Variants in AGTPBP1 observed in about 807,000 individuals in gnomAD.
AGTPBP1 encodes cytosolic carboxypeptidase 1.
Under a neutral mutation model 143.9 loss-of-function variants are expected in AGTPBP1, and 70 were observed. That is an observed-to-expected ratio of 0.49 (90% CI 0.40 to 0.59). The LOEUF is 0.59. Among genes scored for constraint, AGTPBP1 ranks in the 20% least tolerant of loss-of-function variants. The pLI, the probability that AGTPBP1 is intolerant of heterozygous loss-of-function variation, is 0.00. For synonymous variants in AGTPBP1, 463 were observed against 500.2 expected (o/e 0.93, Z 0.99); for missense variants, 1,229 against 1,464.5 (o/e 0.84, Z 2.62).
chr9:85,755,547 T>A, the AGTPBP1 span, among the ~76,000 whole-genome samples: 1 of 152,194 alleles, frequency 6.6e-6, no homozygotes, highest in Non-Finnish European at 1.5e-5. Context: ...TATTCATTTA[T>A]TCACTTCATT....
intron 2 of AGTPBP1, among the ~76,000 whole-genome samples, chr9:85,711,443 T>TTA (rs1837360927): frequency 6.8e-6 from 1 of 146,642 alleles, no homozygotes; most frequent in Non-Finnish European, 1.5e-5. Flanking sequence ...TTTTCTTTCT[T>TTA]TTTTTTTTTT....
chr9:85,596,219 G>A, intron 18 of AGTPBP1, 143 bp downstream of exon 18: 1 of 571,742 alleles, frequency 1.7e-6, no homozygotes, highest in African/African-American at 1.9e-5. Context: ...AGTTCAAAAG[G>A]ACTCTTTAGA....
At chr9:85,787,601 T>C in the AGTPBP1 span, among the ~76,000 whole-genome samples, 1 of 152,246 alleles carries the variant, frequency 6.6e-6, no homozygotes, top group Admixed American at 6.5e-5. Context: ...CAATTTAGTT[T>C]GGAATTAAGA....
At chr9:85,731,572 G>A (rs1373468623) in intron 1 of AGTPBP1, among the ~76,000 whole-genome samples, 2 of 151,922 alleles carry the variant, frequency 1.3e-5, no homozygotes, top group African/African-American at 4.8e-5. Context: ...TAATCCTTCT[G>A]CCTCAGCTGG....
intron 14 of AGTPBP1, among the ~76,000 whole-genome samples, chr9:85,625,012 A>G (rs915075058): frequency 3.3e-5 from 5 of 152,234 alleles, no homozygotes; most frequent in Admixed American, 6.5e-5. Context: ...AGGTTACACC[A>G]TAATTTAACT....
chr9:85,636,119 G>T (rs1832025412), intron 13 of AGTPBP1, among the ~76,000 whole-genome samples: 1 of 151,324 alleles, frequency 6.6e-6, no homozygotes, highest in Non-Finnish European at 1.5e-5. Flanking sequence ...CAAGGTAGAA[G>T]GAAAAAGAAC....
chr9:85,615,883 A>G (rs778811594), intron 17 of AGTPBP1, among the ~76,000 whole-genome samples: 3 of 152,024 alleles, frequency 2.0e-5, no homozygotes, highest in Non-Finnish European at 4.4e-5. Flanking sequence ...GAAAGTAATC[A>G]GAAACAACTG....
At chr9:85,746,991 C>T (rs1328274025), upstream of AGTPBP1, among the ~76,000 whole-genome samples, 3 of 151,986 alleles carry the variant, frequency 2.0e-5, no homozygotes, top group East Asian at 1.9e-4. Flanking sequence ...GCAGCTGGGA[C>T]GACAGACGCA....
Position 85,735,800 on chromosome 9 carries a change from G to C in AGTPBP1, c.-34+5975C>G, listed in dbSNP as rs146080186. 5.8e-3 allele frequency among the ~76,000 whole-genome samples: 881 copies of C among 152,228 alleles called. 4 individuals are homozygous for C. Among genetic ancestry groups the C allele is most frequent in the Middle Eastern group, 0.017 (5 of 294 alleles). On this transcript the variant is annotated intron_variant, in intron 1 of 25. Transcript: ENST00000357081. ...AATTCATTAAACTCTATTACATGTA[G>C]GCAGTGTTCAGATTTTTATTAACAT...
chr9:85,757,761 T>C, the AGTPBP1 span, among the ~76,000 whole-genome samples: 16 of 152,142 alleles, frequency 1.1e-4, no homozygotes, highest in African/African-American at 3.6e-4. Flanking sequence ...GACTCAGAAA[T>C]GAAGGGACCA....
the AGTPBP1 span, among the ~76,000 whole-genome samples, chr9:85,751,762 A>G: frequency 2.6e-5 from 4 of 152,060 alleles, no homozygotes; most frequent in African/African-American, 9.6e-5. Flanking sequence ...ATACAGGCAC[A>G]CGCCCGGCTA....
chr9:85,748,278 GT>G, the AGTPBP1 span, among the ~76,000 whole-genome samples: 12 of 152,066 alleles, frequency 7.9e-5, no homozygotes, highest in Non-Finnish European at 1.5e-4. Context: ...TACTTTCCTT[GT>G]TTTTTCTTCT....
chr9:85,772,848 T>A, the AGTPBP1 span, among the ~76,000 whole-genome samples: 1 of 152,230 alleles, frequency 6.6e-6, no homozygotes, highest in Non-Finnish European at 1.5e-5. Flanking sequence ...GTTTCAAGAA[T>A]CTTTACCCTC....
chr9:85,753,084 A>G, the AGTPBP1 span, among the ~76,000 whole-genome samples: 1 of 151,974 alleles, frequency 6.6e-6, no homozygotes, highest in African/African-American at 2.4e-5. Flanking sequence ...ACTGTCATCT[A>G]CTCATTTTCT....
At chr9:85,765,553 G>A in the AGTPBP1 span, among the ~76,000 whole-genome samples, 42 of 151,796 alleles carry the variant, frequency 2.8e-4, 1 homozygote, top group African/African-American at 9.4e-4. Context: ...TTCATTTATG[G>A]GCTGTCAAAT....
At chr9:85,767,834 T>C in the AGTPBP1 span, among the ~76,000 whole-genome samples, 1 of 152,096 alleles carries the variant, frequency 6.6e-6, no homozygotes, top group African/African-American at 2.4e-5. Context: ...CAAAAGTTGT[T>C]GTTAGTTTTT....
intron 2 of AGTPBP1, among the ~76,000 whole-genome samples, chr9:85,701,912 C>G (rs1836691145): frequency 6.6e-6 from 1 of 152,200 alleles, no homozygotes; most frequent in African/African-American, 2.4e-5. Context: ...GTTTTTATCT[C>G]CTCTTTGACT....
intron 1 of AGTPBP1, among the ~76,000 whole-genome samples, chr9:85,732,396 A>T (rs75053587): frequency 0.015 from 2,248 of 151,884 alleles, 24 homozygotes; most frequent in Middle Eastern, 0.037. Context: ...TTGTATTTTT[A>T]GTAGAGACGG....
intron 25 of AGTPBP1, among the ~76,000 whole-genome samples, chr9:85,550,461 T>C (rs1197545657): frequency 1.3e-5 from 2 of 152,202 alleles, no homozygotes; most frequent in Non-Finnish European, 2.9e-5. Context: ...GGTAATCATG[T>C]GCTCCTCATC....
Sources: gnomAD v4.1 joint callset for allele counts (sites outside exome capture counted in the v4.1 genomes callset) on GRCh38, gnomAD v4.1.1 for gene constraint, MANE v1.5 for transcripts, NCBI Gene and HGNC (gene_info 2026-07-23, HGNC 2026-07-21) for gene names.